Variants in ITFG1 observed in about 807,000 individuals in gnomAD.
ITFG1 encodes T-cell immunomodulatory protein.
In ITFG1, 34 loss-of-function variants were observed where a neutral mutation model predicts 81.8. That is an observed-to-expected ratio of 0.42 (90% CI 0.32 to 0.55). ITFG1 has a LOEUF of 0.55. ITFG1 is among the 20% of genes least tolerant of loss of function. ITFG1 has a pLI of 0.17. For synonymous variants in ITFG1, 285 were observed against 270.6 expected, an observed-to-expected ratio of 1.05 and a Z score of -0.52; for missense variants, 672 against 755.4, an observed-to-expected ratio of 0.89 and a Z score of 1.29.
chr16:47,303,704 G>A (rs1967113015), intron 10 of ITFG1, among the ~76,000 whole-genome samples: 1 of 152,174 alleles, frequency 6.6e-6, no homozygotes, highest in Non-Finnish European at 1.5e-5. Context: ...GCTCACTGCA[G>A]CCTTCAATTC....
chr16:47,191,511 T>C (rs967421979), intron 14 of ITFG1, among the ~76,000 whole-genome samples: 4 of 152,162 alleles, frequency 2.6e-5, no homozygotes, highest in African/African-American at 7.2e-5. Context: ...AGATTGGACA[T>C]GCCTGTATTA....
intron 6 of ITFG1, among the ~76,000 whole-genome samples, chr16:47,407,367 T>G (rs1031221228): frequency 1.3e-5 from 2 of 152,146 alleles, no homozygotes; most frequent in Admixed American, 6.5e-5. Flanking sequence ...TTTTTTATGT[T>G]TTGAGACAGA....
rs1216822992 is a variant in ITFG1, at chr16:47,215,941, C to T, written c.1453+2927G>A. ...TTTTACCTTAGATATTTTTTCATTTCCTTTTATGCCTACAAATTCCCTCCC... is the reference window on the plus strand; with the variant it reads ...TTTTACCTTAGATATTTTTTCATTTTCTTTTATGCCTACAAATTCCCTCCC... On this transcript the variant is annotated intron_variant, in intron 14 of 17. Transcript: ENST00000320640. Among the ~76,000 whole-genome samples the T allele has an allele frequency of 2.0e-5, 3 of 151,872 alleles. No individual in the cohort carries two copies. The East Asian group carries it at 5.8e-4, about 29-fold the overall frequency.
At chr16:47,170,658 G>A (rs923357198) in intron 14 of ITFG1, among the ~76,000 whole-genome samples, 1 of 150,960 alleles carries the variant, frequency 6.6e-6, no homozygotes, top group Non-Finnish European at 1.5e-5. Flanking sequence ...TCAAACTCCT[G>A]ACCTTAGGTG....
intron 8 of ITFG1, among the ~76,000 whole-genome samples, chr16:47,317,313 C>G (rs1324728040): frequency 1.3e-5 from 2 of 152,050 alleles, no homozygotes; most frequent in Non-Finnish European, 2.9e-5. Flanking sequence ...TTGTTCTTGT[C>G]ATAAAAATGG....
intron 17 of ITFG1, among the ~76,000 whole-genome samples, chr16:47,157,829 A>G (rs773468296): frequency 3.3e-5 from 5 of 152,324 alleles, no homozygotes; most frequent in East Asian, 3.9e-4. Flanking sequence ...TCCAGAGTGT[A>G]GGTGCAAAAA....
chr16:47,206,870 C>T (rs1369201660), intron 14 of ITFG1, among the ~76,000 whole-genome samples: 1 of 152,212 alleles, frequency 6.6e-6, no homozygotes, highest in Non-Finnish European at 1.5e-5. Context: ...GACATCCCAA[C>T]AGCCACAACT....
chr16:47,236,792 T>A (rs1295718558), intron 13 of ITFG1, among the ~76,000 whole-genome samples: 1 of 152,224 alleles, frequency 6.6e-6, no homozygotes, highest in Non-Finnish European at 1.5e-5. Flanking sequence ...TTCACATGCA[T>A]GCTGCAGTGA....
chr16:47,184,672 T>C (rs1965185336), intron 14 of ITFG1, among the ~76,000 whole-genome samples: 1 of 151,590 alleles, frequency 6.6e-6, no homozygotes, highest in Admixed American at 6.6e-5. Context: ...CGCTGCAAAA[T>C]CATGCCAAAA....
At chr16:47,409,385 TATATATATA>T (rs1968772181) in intron 6 of ITFG1, among the ~76,000 whole-genome samples, 3 of 14,244 alleles carry the variant, frequency 2.1e-4, no homozygotes, top group African/African-American at 6.5e-4. Flanking sequence ...TATATATATA[TATATATATA>T]TATATATATA....
intron 8 of ITFG1, among the ~76,000 whole-genome samples, chr16:47,349,701 C>T (rs1450466879): frequency 6.6e-6 from 1 of 152,150 alleles, no homozygotes; most frequent in Admixed American, 6.5e-5. Context: ...AGCTCTGGAC[C>T]AAGCAGACCT....
At chr16:47,366,028 A>G (rs945297425) in intron 7 of ITFG1, among the ~76,000 whole-genome samples, 159 bp from the exon 8 acceptor site, 19 of 152,206 alleles carry the variant, frequency 1.2e-4, no homozygotes, top group African/African-American at 4.6e-4. Flanking sequence ...TTTATTTTGA[A>G]GCAAAGGAAA....
intron 13 of ITFG1, among the ~76,000 whole-genome samples, chr16:47,233,042 C>T (rs1965833772): frequency 6.6e-6 from 1 of 152,090 alleles, no homozygotes; most frequent in African/African-American, 2.4e-5. Flanking sequence ...ACCAGATACA[C>T]TGATAAAAGC....
chr16:47,229,823 T>C (rs1261826897), intron 13 of ITFG1, among the ~76,000 whole-genome samples: 9 of 152,270 alleles, frequency 5.9e-5, no homozygotes, highest in Admixed American at 4.6e-4. Context: ...AGGAAAGTGG[T>C]TGAGATCACT....
chr16:47,292,497 T>G (rs1343354394), intron 10 of ITFG1, among the ~76,000 whole-genome samples: 1 of 152,208 alleles, frequency 6.6e-6, no homozygotes, highest in African/African-American at 2.4e-5. Context: ...TAATATAGGC[T>G]CTGTGCAGAC....
At chr16:47,271,510 C>A (rs913012306) in intron 10 of ITFG1, among the ~76,000 whole-genome samples, 1 of 152,082 alleles carries the variant, frequency 6.6e-6, no homozygotes, top group East Asian at 1.9e-4. Flanking sequence ...ATAATGTAGA[C>A]GGGAATATAA....
chr16:47,276,672 T>C (rs1966401764), intron 10 of ITFG1, among the ~76,000 whole-genome samples: 1 of 152,130 alleles, frequency 6.6e-6, no homozygotes, highest in African/African-American at 2.4e-5. Context: ...GTGCACAGAC[T>C]GATAATTAAG....
At chr16:47,418,174 T>C (rs1160429374) in intron 6 of ITFG1, among the ~76,000 whole-genome samples, 1 of 152,192 alleles carries the variant, frequency 6.6e-6, no homozygotes, top group Non-Finnish European at 1.5e-5. Context: ...TTGTATATCT[T>C]TTCTTGAGAA....
At chr16:47,263,752 A>AATAC (rs1179870545) in intron 10 of ITFG1, among the ~76,000 whole-genome samples, 5 of 152,198 alleles carry the variant, frequency 3.3e-5, no homozygotes, top group Admixed American at 2.0e-4. Context: ...TGAATAAATA[A>AATAC]ATACATACAT....
Sources: allele counts gnomAD v4.1 joint callset (sites outside exome capture counted in the v4.1 genomes callset), GRCh38; gene constraint gnomAD v4.1.1; transcripts MANE v1.5; gene names NCBI Gene and HGNC (gene_info 2026-07-23, HGNC 2026-07-21).